Variants in TMC2 observed in about 807,000 individuals in gnomAD.
TMC2 encodes transmembrane channel like 2.
In TMC2, 102 loss-of-function variants were observed where a neutral mutation model predicts 105.9. That is an observed-to-expected ratio of 0.96 (90% CI 0.82 to 1.14). The LOEUF (loss-of-function observed/expected upper bound fraction) is 1.14. Among genes scored for constraint, TMC2 ranks in the 50% most tolerant of loss-of-function variants. TMC2 has a pLI of 0.00. For synonymous variants in TMC2, 402 were observed against 422.8 expected (o/e 0.95, Z 0.60); for missense variants, 1,093 against 1,134.3 (o/e 0.96, Z 0.52).
At chr20:2,630,509 T>C (rs903736416) in intron 17 of TMC2, among the ~76,000 whole-genome samples, 1 of 152,180 alleles carries the variant, frequency 6.6e-6, no homozygotes, top group Non-Finnish European at 1.5e-5. Flanking sequence ...CAATCTACTA[T>C]TACCTTAAAA....
At chr20:2,540,836 G>A (rs1026958773) in intron 2 of TMC2, among the ~76,000 whole-genome samples, 3 of 152,036 alleles carry the variant, frequency 2.0e-5, no homozygotes, top group African/African-American at 7.2e-5. Context: ...TGTTGCTAGT[G>A]TGACCCTTTG....
intron 16 of TMC2, among the ~76,000 whole-genome samples, chr20:2,622,620 G>T (rs1244977190): frequency 6.6e-6 from 1 of 152,038 alleles, no homozygotes; most frequent in Non-Finnish European, 1.5e-5. Flanking sequence ...GGCAGAGGTT[G>T]CAGTGAGCTG....
chr20:2,536,852 T>C (rs2085852931), intron 1 of TMC2, among the ~76,000 whole-genome samples, 197 bp downstream of exon 1: 1 of 152,166 alleles, frequency 6.6e-6, no homozygotes, highest in Non-Finnish European at 1.5e-5. Flanking sequence ...GGGGTAGTCA[T>C]CACCTCCTTG....
chr20:2,538,732 A>T (rs1434942596), intron 2 of TMC2, among the ~76,000 whole-genome samples: 1 of 152,164 alleles, frequency 6.6e-6, no homozygotes, highest in African/African-American at 2.4e-5. Context: ...TTCCCATAGA[A>T]CACAGGAAAT....
chr20:2,569,030 AT>A, intron 4 of TMC2, among the ~76,000 whole-genome samples: 1 of 152,294 alleles, frequency 6.6e-6, no homozygotes, highest in South Asian at 2.1e-4. Context: ...ACCTTCTTCC[AT>A]CTGCCCTAAG....
At chr20:2,587,377 A>G (rs916026007) in intron 7 of TMC2, among the ~76,000 whole-genome samples, 5 of 152,064 alleles carry the variant, frequency 3.3e-5, no homozygotes, top group Admixed American at 2.0e-4. Context: ...GTTATTATGT[A>G]TTATCTTTTT....
At chr20:2,552,070 G>T (rs1296619927) in intron 2 of TMC2, among the ~76,000 whole-genome samples, 1 of 151,856 alleles carries the variant, frequency 6.6e-6, no homozygotes, top group Non-Finnish European at 1.5e-5. Context: ...AACAACTCAG[G>T]CAATACAGAG....
chr20:2,613,211 G>C lies in TMC2; in HGVS notation c.1761G>C (p.Thr587=). Residue 587 remains threonine (T), a synonymous_variant, in exon 14 of 20, where the codon ACG becomes ACC. Transcript: ENST00000358864. ...TAVGIEFMRL[T]VSDMLVTYIT... Reference sequence around the variant, plus strand: ...CTCTGCAGGAATTCATGAGGCTGACGGTGTCTGACATGCTGGTAACGTACA... The same window carrying C: ...CTCTGCAGGAATTCATGAGGCTGACCGTGTCTGACATGCTGGTAACGTACA... 1.2e-6 allele frequency: 2 copies of C among 1,613,488 alleles called. No homozygotes were observed. Among genetic ancestry groups the C allele is most frequent in the Non-Finnish European group, 1.7e-6 (2 of 1,179,542 alleles).
rs1026585958 is a variant in TMC2 at position 2,558,300 on chromosome 20, T to C, written c.83-156T>C. On this transcript the variant is annotated intron_variant, in intron 2 of 19. Transcript: ENST00000358864. This position sits in a 1 kb window ranked among gnomAD's most constrained non-coding sequence, Gnocchi z 4.6. ...TTCCTTCAGCTTAAAATACTCAACA[T>C]GCCAAGGTGCCATACTTTGGGGTGT... is the stretch of plus-strand genomic sequence containing the variant. The C allele has an allele frequency of 1.4e-6, 2 of 1,441,614 alleles. No individual in the cohort carries two copies. The highest frequency in any genetic ancestry group is 2.9e-5 in the African/African-American group (2 of 69,510). 89.3% of individuals were successfully genotyped at this position (1,441,614 alleles called of 1,614,324 possible).
chr20:2,570,265 C>T (rs1183702505), intron 4 of TMC2, among the ~76,000 whole-genome samples: 4 of 152,082 alleles, frequency 2.6e-5, no homozygotes, highest in African/African-American at 9.7e-5. Context: ...TGCCAAAAGG[C>T]TCCTGGAATT....
chr20:2,584,633 A>G (rs989886038), intron 7 of TMC2, among the ~76,000 whole-genome samples: 3 of 152,212 alleles, frequency 2.0e-5, no homozygotes, highest in Non-Finnish European at 4.4e-5. Context: ...ACTTAAATAC[A>G]GTCATCTCTT....
At chr20:2,596,064 G>T (rs930548887) in intron 9 of TMC2, among the ~76,000 whole-genome samples, 2 of 152,058 alleles carry the variant, frequency 1.3e-5, no homozygotes, top group African/African-American at 4.8e-5. Flanking sequence ...CAAAGTTTTC[G>T]TGACAAACCA....
intron 17 of TMC2, among the ~76,000 whole-genome samples, chr20:2,629,018 C>T (rs1204625702): frequency 2.0e-5 from 3 of 151,364 alleles, no homozygotes; most frequent in African/African-American, 4.9e-5. Context: ...AGGAGAATGG[C>T]GTGAACCCGG....
intron 7 of TMC2, among the ~76,000 whole-genome samples, chr20:2,591,594 A>C (rs931625626): frequency 3.9e-5 from 6 of 152,082 alleles, no homozygotes; most frequent in Admixed American, 1.3e-4. Context: ...AGTTCCCGCT[A>C]CTCAGGAGGC....
intron 12 of TMC2, 143 bp from the exon 13 acceptor site, chr20:2,612,048 G>A: frequency 1.4e-6 from 1 of 736,228 alleles, no homozygotes; most frequent in Non-Finnish European, 2.1e-6. Flanking sequence ...AGCCTGAGAA[G>A]GGAATTTTGG....
At chr20:2,624,773 C>T (rs892333722) in intron 17 of TMC2, among the ~76,000 whole-genome samples, 2 of 152,088 alleles carry the variant, frequency 1.3e-5, no homozygotes, top group African/African-American at 2.4e-5. Context: ...GATGAGGGCA[C>T]CAGCAAGTGC....
intron 9 of TMC2, among the ~76,000 whole-genome samples, 164 bp from the exon 10 acceptor site, chr20:2,596,987 C>T (rs1375286894): frequency 6.6e-6 from 1 of 152,086 alleles, no homozygotes; most frequent in Non-Finnish European, 1.5e-5. Flanking sequence ...CCTGGCTATC[C>T]TCAAAGCTGT....
chr20:2,556,130 C>T (rs990117271), intron 2 of TMC2, among the ~76,000 whole-genome samples: 1 of 151,902 alleles, frequency 6.6e-6, no homozygotes, highest in African/African-American at 2.4e-5. Context: ...GCTCTGTCAC[C>T]CAGGCTGGAG....
At chr20:2,628,657 C>T (rs1033905344) in intron 17 of TMC2, among the ~76,000 whole-genome samples, 2 of 152,164 alleles carry the variant, frequency 1.3e-5, no homozygotes, top group South Asian at 2.1e-4. Context: ...TTCTCCTTCC[C>T]GCCACTTTGT....
Sources: allele counts gnomAD v4.1 joint callset (sites outside exome capture counted in the v4.1 genomes callset), GRCh38; gene constraint gnomAD v4.1.1; non-coding constraint Gnocchi (gnomAD v3.1); transcripts MANE v1.5; gene names NCBI Gene and HGNC (gene_info 2026-07-23, HGNC 2026-07-21).